FER: variants seen among roughly 807,000 people sequenced by gnomAD.
The protein encoded by FER is tyrosine-protein kinase Fer.
A neutral mutation model predicts 111.0 loss-of-function variants in FER; 63 were observed. That is an observed-to-expected ratio of 0.57 (90% CI 0.46 to 0.70). The LOEUF is 0.70. Among genes scored for constraint, FER ranks in the 30% least tolerant of loss-of-function variants. The pLI, the probability that FER is intolerant of heterozygous loss-of-function variation, is 0.00. For synonymous variants in FER, 327 were observed against 313.9 expected (o/e 1.04, Z -0.44); for missense variants, 914 against 954.0 (o/e 0.96, Z 0.55).
At chr5:109,026,662 C>A (rs2149845552) in intron 13 of FER, among the ~76,000 whole-genome samples, 1 of 152,190 alleles carries the variant, frequency 6.6e-6, no homozygotes, top group South Asian at 2.1e-4. Flanking sequence ...TGAGAATCAT[C>A]TTATGTATTG....
chr5:108,940,636 C>G (rs548852596), intron 10 of FER, among the ~76,000 whole-genome samples: 7 of 151,980 alleles, frequency 4.6e-5, no homozygotes, highest in Admixed American at 6.6e-5. Flanking sequence ...AGGTGTAGGC[C>G]GATGTGAAAG....
At chr5:109,176,430 C>T (rs943049423) in intron 17 of FER, among the ~76,000 whole-genome samples, 17 of 151,908 alleles carry the variant, frequency 1.1e-4, no homozygotes, top group African/African-American at 4.1e-4. Flanking sequence ...CTAAAAAAAT[C>T]GAGCTCATGA....
intron 5 of FER, among the ~76,000 whole-genome samples, chr5:108,861,403 G>A (rs1763505302): frequency 1.3e-5 from 2 of 152,086 alleles, no homozygotes; most frequent in Non-Finnish European, 2.9e-5. Context: ...TATGCATTCT[G>A]TTATTACAAA....
intron 16 of FER, among the ~76,000 whole-genome samples, chr5:109,058,708 TTTTC>T (rs1198963702): frequency 1.2e-4 from 18 of 144,538 alleles, no homozygotes; most frequent in African/African-American, 3.1e-4. Flanking sequence ...TTCTTTTTCT[TTTTC>T]TTTCTTTCTT....
At chr5:108,761,301 A>G (rs945879079) in intron 1 of FER, among the ~76,000 whole-genome samples, 1 of 152,140 alleles carries the variant, frequency 6.6e-6, no homozygotes, top group Non-Finnish European at 1.5e-5. Context: ...ATGTGCAACT[A>G]TTCCTTTTAT....
At chr5:108,967,447 G>A (rs1363765148) in intron 13 of FER, among the ~76,000 whole-genome samples, 1 of 152,164 alleles carries the variant, frequency 6.6e-6, no homozygotes, top group South Asian at 2.1e-4. Flanking sequence ...ACCACTGAAA[G>A]TTGGGCATGA....
intron 18 of FER, among the ~76,000 whole-genome samples, chr5:109,181,657 G>A (rs1386779701): frequency 6.6e-6 from 1 of 152,198 alleles, no homozygotes; most frequent in South Asian, 2.1e-4. Context: ...GATTTAAAAT[G>A]AAAAATTACC....
intron 5 of FER, among the ~76,000 whole-genome samples, chr5:108,866,407 G>A (rs1253114605): frequency 6.6e-6 from 1 of 152,082 alleles, no homozygotes; most frequent in Non-Finnish European, 1.5e-5. Flanking sequence ...GACACAGGAA[G>A]GGGAACATTA....
At chr5:108,753,649 AC>A (rs1162287864) in intron 1 of FER, among the ~76,000 whole-genome samples, 3 of 152,202 alleles carry the variant, frequency 2.0e-5, no homozygotes, top group Admixed American at 1.3e-4. Flanking sequence ...ATTTAATAAT[AC>A]CCTTATTTGT....
intron 1 of FER, among the ~76,000 whole-genome samples, chr5:108,765,969 G>A (rs1462523697): frequency 6.7e-6 from 1 of 149,460 alleles, no homozygotes; most frequent in African/African-American, 2.5e-5. Flanking sequence ...TCACTTTATT[G>A]CCTAGGCTGG....
chr5:109,136,112 C>T (rs191292684), intron 17 of FER, among the ~76,000 whole-genome samples: 2 of 151,720 alleles, frequency 1.3e-5, no homozygotes, highest in Non-Finnish European at 2.9e-5. Flanking sequence ...AAAAAGTAGT[C>T]GAGCGTAGTG....
At chr5:108,768,456 AAC>A (rs1351632024) in intron 2 of FER, among the ~76,000 whole-genome samples, 1 of 152,158 alleles carries the variant, frequency 6.6e-6, no homozygotes, top group East Asian at 1.9e-4. Flanking sequence ...TTTCTCAACT[AAC>A]ACTTATAATT....
intron 2 of FER, among the ~76,000 whole-genome samples, chr5:108,788,129 G>T (rs1754951067): frequency 6.6e-6 from 1 of 152,180 alleles, no homozygotes; most frequent in Non-Finnish European, 1.5e-5. Flanking sequence ...TTGGGACTCT[G>T]TGGTTCCTGG....
Position 108,783,494 on chromosome 5 carries a change from C to G in FER, c.-59-14630C>G, listed in dbSNP as rs142485201. ...TTCTCTCATTCAAGTTATGATTTTT[C>G]TTGGTTCTTGGTGTGACAGGTGATT... On this transcript the variant is annotated intron_variant, in intron 2 of 19. Transcript: ENST00000281092. Among the ~76,000 whole-genome samples, 636 of 152,074 alleles carry G rather than the reference C, an allele frequency of 4.2e-3. 5 individuals are homozygous for G. Among genetic ancestry groups the G allele is most frequent in the African/African-American group, 0.015 (617 of 41,456 alleles).
intron 13 of FER, among the ~76,000 whole-genome samples, chr5:109,011,149 CTGT>C (rs1766210865): frequency 6.6e-6 from 1 of 151,920 alleles, no homozygotes; most frequent in African/African-American, 2.4e-5. Context: ...TTGTTTTTAT[CTGT>C]TTTTTTCAAA....
intron 10 of FER, among the ~76,000 whole-genome samples, chr5:108,915,308 A>G (rs886923582): frequency 1.3e-5 from 2 of 152,110 alleles, no homozygotes; most frequent in Non-Finnish European, 2.9e-5. Flanking sequence ...TCCCGTCTCT[A>G]CTAAAAATAC....
chr5:108,887,708 A>G (rs1326004769), intron 9 of FER, among the ~76,000 whole-genome samples: 1 of 151,754 alleles, frequency 6.6e-6, no homozygotes, highest in African/African-American at 2.4e-5. Flanking sequence ...TCCAACACAG[A>G]ATATCAGTCT....
intron 10 of FER, among the ~76,000 whole-genome samples, chr5:108,923,897 C>T (rs1421512480): frequency 6.6e-6 from 1 of 152,010 alleles, no homozygotes; most frequent in Non-Finnish European, 1.5e-5. Flanking sequence ...AATTAAAACA[C>T]ATTGGATTAA....
intron 16 of FER, among the ~76,000 whole-genome samples, chr5:109,079,241 C>G (rs1168237776): frequency 6.6e-6 from 1 of 152,064 alleles, no homozygotes; most frequent in African/African-American, 2.4e-5. Flanking sequence ...ATGGAAATGT[C>G]CTAACCACTG....
Sources: allele counts gnomAD v4.1 joint callset (sites outside exome capture counted in the v4.1 genomes callset), GRCh38; gene constraint gnomAD v4.1.1; transcripts MANE v1.5; gene names NCBI Gene and HGNC (gene_info 2026-07-23, HGNC 2026-07-21).